CCDC127: variants seen among roughly 807,000 people sequenced by gnomAD.
The protein encoded by CCDC127 is coiled-coil domain-containing protein 127.
A neutral mutation model predicts 4.1 loss-of-function variants in CCDC127; 2 were observed. The observed-to-expected ratio is 0.49, with a 90% CI of 0.20 to 1.53. CCDC127 has a LOEUF of 1.53. CCDC127 is among the 40% of genes most tolerant of loss of function. The pLI, the probability that CCDC127 is intolerant of heterozygous loss-of-function variation, is 0.23. For missense variants in CCDC127, 271 were observed against 322.9 expected, an observed-to-expected ratio of 0.84 and a Z score of 1.23; for synonymous variants, 98 against 120.4, an observed-to-expected ratio of 0.81 and a Z score of 1.22.
chr5:200,066 C>G lies in CCDC127; in HGVS notation c.*5231G>C. The G allele has an allele frequency of 6.6e-6, 1 of 152,298 alleles. No homozygotes were observed. Among genetic ancestry groups the G allele is most frequent in the East Asian group, 1.9e-4 (1 of 5,190 alleles). The allele number at this position is 152,298 out of a possible 1,614,324, so 9.4% of individuals were successfully genotyped here. On this transcript the variant is annotated 3_prime_UTR_variant, in exon 3 of 3. Coordinates refer to ENST00000296824, the MANE Select transcript of CCDC127 (RefSeq NM_145265.3). Reference sequence around the variant, plus strand: ...ACAAAGGGCTCCCGTGAATCTGGAGCTCACCCAGCAAACATCCAGGCGGCG... The same window carrying G: ...ACAAAGGGCTCCCGTGAATCTGGAGGTCACCCAGCAAACATCCAGGCGGCG...
intron 2 of CCDC127, among the ~76,000 whole-genome samples, chr5:207,686 C>G (rs1275168714): frequency 6.6e-6 from 1 of 152,054 alleles, no homozygotes; most frequent in African/African-American, 2.4e-5. Flanking sequence ...ATGAGAGGGG[C>G]CCCCAGGAGA....
At position 205,144 on chromosome 5, in the gene CCDC127, C is replaced by G; in HGVS notation, c.*153G>C. ...CTGTCTCTGAGGCTTCGGTGCACTTCTGCTCAGACGGTGGCGGGAGTGGAG... is the reference window on the plus strand; with the variant it reads ...CTGTCTCTGAGGCTTCGGTGCACTTGTGCTCAGACGGTGGCGGGAGTGGAG... On this transcript the variant is annotated 3_prime_UTR_variant, in exon 3 of 3. Transcript: ENST00000296824. 1.5e-6 allele frequency: 1 copy of G among 666,414 alleles called. No homozygotes were observed. Among genetic ancestry groups the G allele is most frequent in the Non-Finnish European group, 2.5e-6 (1 of 395,178 alleles). The allele number at this position is 666,414 out of a possible 1,614,324, so 41.3% of individuals were successfully genotyped here.
intron 2 of CCDC127, among the ~76,000 whole-genome samples, chr5:208,498 G>A (rs779063422): frequency 8.5e-5 from 13 of 152,292 alleles, no homozygotes; most frequent in Non-Finnish European, 1.6e-4. Flanking sequence ...AAAAAACTAC[G>A]GCCCCACCTC....
chr5:218,111 G>C lies in CCDC127; in HGVS notation c.-29C>G, dbSNP rs114533164. 3.3e-6 allele frequency: 4 copies of C among 1,217,624 alleles called. No individual in the cohort carries two copies. The highest frequency in any genetic ancestry group is 4.1e-6 in the Non-Finnish European group (4 of 976,094). The allele number at this position is 1,217,624 out of a possible 1,614,324, so 75.4% of individuals were successfully genotyped here. On this transcript the variant is annotated 5_prime_UTR_variant, in exon 1 of 3. Coordinates refer to ENST00000296824, the MANE Select transcript of CCDC127 (RefSeq NM_145265.3). ...GCTCTACCTCGGTCGGGGAGCGCGGGACCTCAGCGTTCCCTTAACGCCACC... is the reference window on the plus strand; with the variant it reads ...GCTCTACCTCGGTCGGGGAGCGCGGCACCTCAGCGTTCCCTTAACGCCACC...
In CCDC127 at chr5:205,963, C is replaced by A; in HGVS notation, c.122-5G>T. The A allele has an allele frequency of 6.3e-7, 1 of 1,589,832 alleles. No homozygotes were observed. Among genetic ancestry groups the A allele is most frequent in the East Asian group, 2.2e-5 (1 of 44,562 alleles). ...ACTCCCTAGACCAAATCCAACCTGA[C>A]ATGAATGAAGAAAAATACACATAAT... On this transcript the variant is annotated splice_polypyrimidine_tract_variant and splice_region_variant and intron_variant, in intron 2 of 2. Transcript: ENST00000296824.
chr5:206,726 T>A (rs1279457218), intron 2 of CCDC127, among the ~76,000 whole-genome samples: 1 of 152,236 alleles, frequency 6.6e-6, no homozygotes, highest in East Asian at 1.9e-4. Context: ...CATTCCGAAC[T>A]GATGCTGCTC....
Position 199,528 on chromosome 5 carries a change from C to G in CCDC127, c.*5769G>C, listed in dbSNP as rs576204472. On this transcript the variant is annotated 3_prime_UTR_variant, in exon 3 of 3. Transcript: ENST00000296824. The stretch of plus-strand genomic sequence containing the variant: ...TGGGGGCACCGTGCTTGTCCCCCCC[C>G]ATCTTGATGCCTGCCAGTCACCCCC... 1 of 152,878 alleles carries G rather than the reference C, an allele frequency of 6.5e-6. No homozygotes were observed. The highest frequency in any genetic ancestry group is 1.5e-5 in the Non-Finnish European group (1 of 68,650). 9.5% of individuals were successfully genotyped at this position (152,878 alleles called of 1,614,324 possible).
At chr5:207,310 T>G (rs2126506401) in intron 2 of CCDC127, among the ~76,000 whole-genome samples, 1 of 152,250 alleles carries the variant, frequency 6.6e-6, no homozygotes. Flanking sequence ...AGATGACAAC[T>G]CAAACTCACG....
intron 2 of CCDC127, chr5:215,317 G>C (rs960739393): frequency 2.6e-5 from 4 of 152,024 alleles, no homozygotes; most frequent in Admixed American, 2.0e-4. Context: ...GGGACAGAAA[G>C]CATCATTTCA....
Position 198,505 on chromosome 5 carries a change from A to G in CCDC127, c.*6792T>C, listed in dbSNP as rs10054074. 0.18 allele frequency: 27,446 copies of G among 152,324 alleles called. 2,859 individuals are homozygous for G. The highest frequency in any genetic ancestry group is 0.28 in the African/African-American group (11,609 of 41,548). The allele number at this position is 152,324 out of a possible 1,614,324, so 9.4% of individuals were successfully genotyped here. A position where few individuals can be genotyped will look rare whatever the true frequency, so the allele number is the denominator to read the frequency against. ...GGTGTCCTGAGGCCTGGGATTGGGCAGGGCACACAGGAGCCCACTGGTGTC... is the reference window on the plus strand; with the variant it reads ...GGTGTCCTGAGGCCTGGGATTGGGCGGGGCACACAGGAGCCCACTGGTGTC... On this transcript the variant is annotated 3_prime_UTR_variant, in exon 3 of 3. Transcript: ENST00000296824.
At chr5:217,923 G>C (rs536369005) in intron 1 of CCDC127, among the ~76,000 whole-genome samples, 170 bp downstream of exon 1, 4 of 152,360 alleles carry the variant, frequency 2.6e-5, no homozygotes, top group Admixed American at 1.3e-4. Context: ...ACAAGAGGTC[G>C]GAGGCCCCGG....
chr5:204,336 TACTC>T lies in CCDC127; in HGVS notation c.*957_*960del, dbSNP rs1458706577. 3 of 152,346 alleles carry T rather than the reference TACTC, an allele frequency of 2.0e-5. No homozygotes were observed. The highest frequency in any genetic ancestry group is 3.9e-4 in the East Asian group (2 of 5,188). The allele number at this position is 152,346 out of a possible 1,614,324, so 9.4% of individuals were successfully genotyped here. A position where few individuals can be genotyped will look rare whatever the true frequency, so the allele number is the denominator to read the frequency against. On this transcript the variant is annotated 3_prime_UTR_variant, in exon 3 of 3. Transcript: ENST00000296824. ...GCACCTCCGCAAAGCGTAATAGTAA[TACTC>T]ACTTCACAGGATTCGACTGAGGATT...
rs781712407 is a variant in CCDC127 at position 205,568 on chromosome 5, TTC to T, written c.510_511del (p.Asn171TyrfsTer31). The T allele has an allele frequency of 1.2e-6, 2 of 1,614,240 alleles. No homozygotes were observed. The highest frequency in any genetic ancestry group is 1.3e-5 in the African/African-American group (1 of 75,066). On this transcript the variant is annotated frameshift_variant, in exon 3 of 3. Coordinates refer to ENST00000296824, the MANE Select transcript of CCDC127 (RefSeq NM_145265.3). LOFTEE classifies it low-confidence loss of function (END_TRUNC). ...AGGAAGAAACAGACTGCAGTAGATA[TTC>T]TGTCTTTCTGTGAGAACAGCTTCAA...
In CCDC127 at chr5:198,790, C is replaced by T. The variant is rs900337706; in HGVS notation, c.*6507G>A. 2 of 152,322 alleles carry T rather than the reference C, an allele frequency of 1.3e-5. No individual in the cohort carries two copies. The highest frequency in any genetic ancestry group is 3.8e-4 in the East Asian group (2 of 5,200). The allele number at this position is 152,322 out of a possible 1,614,324, so 9.4% of individuals were successfully genotyped here. A position where few individuals can be genotyped will look rare whatever the true frequency, so the allele number is the denominator to read the frequency against. On this transcript the variant is annotated 3_prime_UTR_variant, in exon 3 of 3. Transcript: ENST00000296824. ...GGGTCGCATGGCGTCTGTGGCCACA[C>T]ATCCGGCGTCTGCAGGGCCCAGGAG...
chr5:205,084 T>G lies in CCDC127; in HGVS notation c.*213A>C. 1.9e-6 allele frequency: 1 copy of G among 529,730 alleles called. No individual in the cohort carries two copies. The highest frequency in any genetic ancestry group is 3.3e-6 in the Non-Finnish European group (1 of 301,962). 32.8% of individuals were successfully genotyped at this position (529,730 alleles called of 1,614,324 possible). On this transcript the variant is annotated 3_prime_UTR_variant, in exon 3 of 3. Coordinates refer to ENST00000296824, the MANE Select transcript of CCDC127 (RefSeq NM_145265.3). ...CCTAAAAATGCTTCAAGAAACCATA[T>G]CCCCAACAGCGGCAGAGCATCGGGA...
chr5:216,142 C>T (rs1178638052), intron 2 of CCDC127: 1 of 151,468 alleles, frequency 6.6e-6, no homozygotes, highest in African/African-American at 2.5e-5. Context: ...CCTCGACCTC[C>T]CAGGCTCCAC....
chr5:217,994 G>A, intron 1 of CCDC127, 99 bp downstream of exon 1: 2 of 711,014 alleles, frequency 2.8e-6, no homozygotes, highest in Non-Finnish European at 3.6e-6. Context: ...CTGCGGTCTG[G>A]GCGTTCAGGC....
intron 2 of CCDC127, chr5:215,916 A>G (rs1292240265): frequency 5.3e-5 from 8 of 151,646 alleles, no homozygotes; most frequent in African/African-American, 2.0e-4. Flanking sequence ...AAGTCTGCAT[A>G]TGACCGGCAG....
In CCDC127 at chr5:204,332, G is replaced by GTAA. The variant is rs1560973939; in HGVS notation, c.*962_*964dup. On this transcript the variant is annotated 3_prime_UTR_variant, in exon 3 of 3. Coordinates refer to ENST00000296824, the MANE Select transcript of CCDC127 (RefSeq NM_145265.3). ...TGGGGCACCTCCGCAAAGCGTAATA[G>GTAA]TAATACTCACTTCACAGGATTCGAC... 1 of 152,238 alleles carries GTAA rather than the reference G, an allele frequency of 6.6e-6. No individual in the cohort carries two copies. The highest frequency in any genetic ancestry group is 1.5e-5 in the Non-Finnish European group (1 of 68,064). The allele number at this position is 152,238 out of a possible 1,614,324, so 9.4% of individuals were successfully genotyped here.
Sources: gnomAD v4.1 joint callset for allele counts (sites outside exome capture counted in the v4.1 genomes callset) on GRCh38, gnomAD v4.1.1 for gene constraint, MANE v1.5 for transcripts, NCBI Gene and HGNC (gene_info 2026-07-23, HGNC 2026-07-21) for gene names.